The following SLC44A5 variants were observed in gnomAD, a reference collection of about 807,000 sequenced individuals.
The protein encoded by SLC44A5 is solute carrier family 44 member 5.
A neutral mutation model predicts 101.8 loss-of-function variants in SLC44A5; 57 were observed. The ratio of observed to expected loss-of-function variants is 0.56; its 90% CI spans 0.45 to 0.70. The LOEUF (loss-of-function observed/expected upper bound fraction) is 0.70, where lower values mean the gene tolerates loss of function less well. Ranked by LOEUF, SLC44A5 falls within the 30% of genes least tolerant of loss-of-function variation. The probability of loss-of-function intolerance (pLI) is 0.00; values close to 1 mark genes in which losing one functional copy is unlikely to be tolerated. For missense variants in SLC44A5, 737 were observed against 853.1 expected (o/e 0.86, Z 1.70); for synonymous variants, 281 against 290.9 (o/e 0.97, Z 0.35).
At chr1:75,385,106 G>C (rs1350031145) in intron 3 of SLC44A5, among the ~76,000 whole-genome samples, 4 of 151,954 alleles carry the variant, frequency 2.6e-5, no homozygotes, top group African/African-American at 9.7e-5. Flanking sequence ...GAGAAAGCAG[G>C]AAAGATCCAA....
At chr1:75,236,922 AAG>A (rs1376689834) in intron 11 of SLC44A5, 63 bp downstream of exon 11, 14 of 837,576 alleles carry the variant, frequency 1.7e-5, no homozygotes, top group Non-Finnish European at 2.4e-5. Flanking sequence ...AATTTGAAGA[AAG>A]AGTTCTACAA....
At chr1:75,390,714 T>G (rs1159523396) in intron 3 of SLC44A5, among the ~76,000 whole-genome samples, 2 of 152,132 alleles carry the variant, frequency 1.3e-5, no homozygotes, top group Non-Finnish European at 2.9e-5. Context: ...GAGCAATTTA[T>G]GAAAAACCTG....
the SLC44A5 span, among the ~76,000 whole-genome samples, chr1:75,681,121 T>C: frequency 6.6e-6 from 1 of 151,870 alleles, no homozygotes; most frequent in Non-Finnish European, 1.5e-5. Context: ...AAATAATCAA[T>C]AGCTTACCAA....
chr1:75,688,637 G>C, the SLC44A5 span, among the ~76,000 whole-genome samples: 10 of 152,282 alleles, frequency 6.6e-5, no homozygotes, highest in East Asian at 1.7e-3. Flanking sequence ...AGCCTCGGGG[G>C]CTGTGAACAC....
At chr1:75,452,834 A>G (rs1267500833) in intron 2 of SLC44A5, among the ~76,000 whole-genome samples, 1 of 152,172 alleles carries the variant, frequency 6.6e-6, no homozygotes, top group Admixed American at 6.5e-5. Context: ...CTCAACAAGA[A>G]GATGTAACTA....
chr1:75,219,203 T>A, intron 16 of SLC44A5, 54 bp downstream of exon 16: 4 of 1,210,384 alleles, frequency 3.3e-6, no homozygotes, highest in Non-Finnish European at 4.9e-6. Context: ...ACAAAATGAA[T>A]TGCAGCAGAA....
rs1463848148 is a variant in SLC44A5, at chr1:75,217,801, A to G, written c.1624+65T>C. On this transcript the variant is annotated intron_variant, in intron 18 of 23. Transcript: ENST00000370859. The stretch of plus-strand genomic sequence containing the variant: ...TACCCTAGTCCAAGTTATAATCATC[A>G]GGTCTCCCCCAACCCCCAACCCAAT... The G allele has an allele frequency of 4.0e-6, 4 of 998,266 alleles. No homozygotes were observed. In the East Asian group the frequency reaches 7.2e-5, roughly 18 times the overall value. 61.8% of individuals were successfully genotyped at this position (998,266 alleles called of 1,614,324 possible).
intron 10 of SLC44A5, among the ~76,000 whole-genome samples, chr1:75,237,395 T>C (rs981465595): frequency 1.3e-5 from 2 of 152,086 alleles, no homozygotes; most frequent in African/African-American, 4.8e-5. Flanking sequence ...AGCTTTTAAT[T>C]TGCAAAACCC....
intron 2 of SLC44A5, among the ~76,000 whole-genome samples, chr1:75,400,559 C>A (rs1662413157): frequency 6.6e-6 from 1 of 152,136 alleles, no homozygotes; most frequent in South Asian, 2.1e-4. Context: ...AGGGATGAGT[C>A]CCTGCACTCA....
intron 2 of SLC44A5, among the ~76,000 whole-genome samples, chr1:75,509,166 T>C (rs1669431289): frequency 6.6e-6 from 1 of 152,212 alleles, no homozygotes; most frequent in Admixed American, 6.5e-5. Flanking sequence ...TAAAAACTAC[T>C]ATGAAGGAAT....
intron 22 of SLC44A5, among the ~76,000 whole-genome samples, chr1:75,212,658 T>A (rs987295578): frequency 1.3e-5 from 2 of 152,132 alleles, no homozygotes; most frequent in African/African-American, 4.8e-5. Context: ...AGTTTTAGTA[T>A]CTTGTACCCA....
chr1:75,351,868 A>AAAAAAAAAG (rs1553165361), intron 3 of SLC44A5, among the ~76,000 whole-genome samples: 1 of 58,528 alleles, frequency 1.7e-5, no homozygotes, highest in Non-Finnish European at 3.7e-5. Context: ...AAAAAAAAAA[A>AAAAAAAAAG]AGAGAGAGAG....
chr1:75,206,845 C>T (rs1241925210), intron 23 of SLC44A5: 1 of 584,180 alleles, frequency 1.7e-6, no homozygotes, highest in African/African-American at 1.9e-5. Flanking sequence ...AAATATAAGA[C>T]AAATTAGTGC....
At chr1:75,502,820 A>T (rs761988943) in intron 2 of SLC44A5, among the ~76,000 whole-genome samples, 1 of 152,036 alleles carries the variant, frequency 6.6e-6, no homozygotes, top group Non-Finnish European at 1.5e-5. Context: ...GGATTTTAGC[A>T]TATTTTTTGA....
the SLC44A5 span, among the ~76,000 whole-genome samples, chr1:75,624,751 A>G: frequency 6.6e-6 from 1 of 152,130 alleles, no homozygotes; most frequent in African/African-American, 2.4e-5. Context: ...ACTTAGCAAT[A>G]TCTTCTCTCT....
chr1:75,331,884 T>C (rs982891711), intron 4 of SLC44A5, among the ~76,000 whole-genome samples: 10 of 152,172 alleles, frequency 6.6e-5, no homozygotes, highest in Non-Finnish European at 1.3e-4. Flanking sequence ...TCATTTCAAT[T>C]GTCACCTCCA....
At chr1:75,368,076 T>C in intron 3 of SLC44A5, among the ~76,000 whole-genome samples, 1 of 152,348 alleles carries the variant, frequency 6.6e-6, no homozygotes, top group South Asian at 2.1e-4. Flanking sequence ...CAATATTTAT[T>C]GAGGCTGGCC....
intron 2 of SLC44A5, among the ~76,000 whole-genome samples, chr1:75,476,734 G>A (rs954485414): frequency 6.6e-6 from 1 of 152,254 alleles, no homozygotes; most frequent in African/African-American, 2.4e-5. Context: ...TGCTTAGGTA[G>A]ACAAAGCAGC....
intron 2 of SLC44A5, among the ~76,000 whole-genome samples, chr1:75,495,331 T>C (rs377211990): frequency 1.4e-4 from 22 of 151,984 alleles, no homozygotes; most frequent in African/African-American, 5.3e-4. Context: ...GGCGGGCACC[T>C]GTAGTCCTAG....
Sources: allele counts gnomAD v4.1 joint callset (sites outside exome capture counted in the v4.1 genomes callset), GRCh38; gene constraint gnomAD v4.1.1; transcripts MANE v1.5; gene names NCBI Gene and HGNC (gene_info 2026-07-23, HGNC 2026-07-21).